Variants in TAS2R7 observed in about 807,000 individuals in gnomAD.
TAS2R7 encodes the protein taste 2 receptor member 7, also known as taste receptor type 2 member 7.
For missense variants in TAS2R7, 403 were observed against 366.0 expected (o/e 1.10, Z -0.82); for synonymous variants, 159 against 138.8 (o/e 1.15, Z -1.02).
chr12:10,801,908 C>T lies in TAS2R7; in HGVS notation c.663G>A (p.Gly221=), dbSNP rs964505908. 9 of 1,613,804 alleles carry T rather than the reference C, an allele frequency of 5.6e-6. No individual in the cohort carries two copies. The Admixed American group carries it at 8.3e-5, about 15-fold the overall frequency. ...GGGCTTCTGTGCTGGGGTCTCTGCA[C>T]CCTGTGGCACTGAGCTGCATTCGCC... ...HIRRMQLSAT[G]CRDPSTEAHV... Residue 221 remains glycine (G), a synonymous_variant, in exon 1 of 1, where the codon GGG becomes GGA. Transcript: ENST00000240687.
Position 10,801,835 on chromosome 12 carries a change from C to T in TAS2R7, c.736G>A (p.Ala246Thr). 1 of 1,613,890 alleles carries T rather than the reference C, an allele frequency of 6.2e-7. No homozygotes were observed. Among genetic ancestry groups the T allele is most frequent in the Non-Finnish European group, 8.5e-7 (1 of 1,179,960 alleles). ...GCAATGAGAAAGGACAAATAGTAGG[C>T]AATAAAGAGGAGAAGGAAGGAAATG... ...AVISFLLLFI[A>T]YYLSFLIATS... is the part of the protein sequence containing the mutation. The change falls in exon 1 of 1, where the codon GCC (alanine) becomes ACC (threonine). Residue 246 changes from alanine to threonine, a missense_variant. Physicochemically the swap from Ala to Thr is moderately conservative, Grantham distance 58. Transcript: ENST00000240687.
At position 10,801,924 on chromosome 12, in the gene TAS2R7, T is replaced by C; in HGVS notation, c.647A>G (p.Gln216Arg). The C allele has an allele frequency of 4.3e-6, 7 of 1,613,978 alleles. No individual in the cohort carries two copies. The highest frequency in any genetic ancestry group is 5.9e-6 in the Non-Finnish European group (7 of 1,179,996). ...LSLRRHIRRM[Q>R]LSATGCRDPS... ...GTCTCTGCACCCTGTGGCACTGAGC[T>C]GCATTCGCCTGATATGTCTCCGCAG... is the stretch of plus-strand genomic sequence containing the variant. The change falls in exon 1 of 1, where the codon CAG becomes CGG. Residue 216 changes from glutamine to arginine, a missense_variant. By Grantham distance (43) the Gln-to-Arg change is conservative. Transcript: ENST00000240687.
chr12:10,802,253 G>A lies in TAS2R7; in HGVS notation c.318C>T (p.Tyr106=), dbSNP rs1379394503. The A allele has an allele frequency of 2.5e-6, 4 of 1,613,738 alleles. No homozygotes were observed. Among genetic ancestry groups the A allele is most frequent in the Non-Finnish European group, 3.4e-6 (4 of 1,179,946 alleles). ...AGAAATTACCTATCTTGAAGAAATA[G>A]TAAATGCTGAGGCAGGTTGCAAACC... The part of the protein sequence containing the change: ...SIWFATCLSI[Y]YFFKIGNFFH... Residue 106 remains tyrosine, a synonymous_variant, in exon 1 of 1, where the codon TAC becomes TAT. Transcript: ENST00000240687.
Position 10,802,243 on chromosome 12 carries a change from T to C in TAS2R7, c.328A>G (p.Lys110Glu), listed in dbSNP as rs746242184. 3 of 1,613,768 alleles carry C rather than the reference T, an allele frequency of 1.9e-6. No individual in the cohort carries two copies. The South Asian group carries it at 3.3e-5, about 18-fold the overall frequency. Residue 110 changes from lysine (K) to glutamate (E), a missense_variant, in exon 1 of 1, where the codon AAG becomes GAG. By Grantham distance (56) the Lys-to-Glu change is moderately conservative (BLOSUM62 1). Coordinates refer to ENST00000240687, the MANE Select transcript of TAS2R7 (RefSeq NM_023919.2). ...AGTGGGTGAAAGAAATTACCTATCT[T>C]GAAGAAATAGTAAATGCTGAGGCAG... ...ATCLSIYYFF[K>E]IGNFFHPLFL...
At position 10,801,814 on chromosome 12, in the gene TAS2R7, T is replaced by C. The variant is rs747855895; in HGVS notation, c.757A>G (p.Ile253Val). 6.2e-7 allele frequency: 1 copy of C among 1,613,770 alleles called. No homozygotes were observed. The highest frequency in any genetic ancestry group is 1.1e-5 in the South Asian group (1 of 91,070). Reference sequence around the variant, plus strand: ...GGCATAAAGTAGCTGGAGGTGGCAATGAGAAAGGACAAATAGTAGGCAATA... The same window carrying C: ...GGCATAAAGTAGCTGGAGGTGGCAACGAGAAAGGACAAATAGTAGGCAATA... The part of the protein sequence containing the change: ...LFIAYYLSFL[I>V]ATSSYFMPET... Residue 253 changes from isoleucine to valine, a missense_variant, in exon 1 of 1, where the codon ATT (isoleucine) becomes GTT (valine). Transcript: ENST00000240687.
At position 10,802,466 on chromosome 12, in the gene TAS2R7, C is replaced by G. The variant is rs376990167; in HGVS notation, c.105G>C (p.Trp35Cys). 6.2e-7 allele frequency: 1 copy of G among 1,613,970 alleles called. No homozygotes were observed. ...AFIGLVNCMD[W>C]VKKRKIASID... ...TGGAGGCAATTTTCCTCTTCTTGACCCAGTCCATGCAGTTTACCAATCCAA... is the reference window on the plus strand; with the variant it reads ...TGGAGGCAATTTTCCTCTTCTTGACGCAGTCCATGCAGTTTACCAATCCAA... The change falls in exon 1 of 1, where the codon TGG (tryptophan) becomes TGC (cysteine). Residue 35 changes from tryptophan to cysteine, a missense_variant. Transcript: ENST00000240687.
chr12:10,802,009 G>C lies in TAS2R7; in HGVS notation c.562C>G (p.Leu188Val), dbSNP rs549478633. 1 of 1,613,890 alleles carries C rather than the reference G, an allele frequency of 6.2e-7. No individual in the cohort carries two copies. Among genetic ancestry groups the C allele is most frequent in the African/African-American group, 1.3e-5 (1 of 75,036 alleles). Reference protein sequence around the residue: ...QHASTKLFLNLATLLPFCVCL... With the variant: ...QHASTKLFLNVATLLPFCVCL... ...ACACAAAAGGGGAGCAGCGTTGCCAGGTTGAGAAATAACTTGGTAGAAGCA... is the reference window on the plus strand; with the variant it reads ...ACACAAAAGGGGAGCAGCGTTGCCACGTTGAGAAATAACTTGGTAGAAGCA... The change falls in exon 1 of 1, where the codon CTG (leucine) becomes GTG (valine). Residue 188 changes from leucine to valine, a missense_variant. By Grantham distance (32) the Leu-to-Val change is conservative. Coordinates refer to ENST00000240687, the MANE Select transcript of TAS2R7 (RefSeq NM_023919.2).
chr12:10,802,319 G>T lies in TAS2R7; in HGVS notation c.252C>A (p.Ile84=). 1 of 1,613,974 alleles carries T rather than the reference G, an allele frequency of 6.2e-7. No homozygotes were observed. The highest frequency in any genetic ancestry group is 8.5e-7 in the Non-Finnish European group (1 of 1,179,948). The change falls in exon 1 of 1, where the codon ATC becomes ATA. Residue 84 remains isoleucine, a synonymous_variant. Transcript: ENST00000240687. ...DVYATGKEMR[I]IDFFWTLTNH... ...TGGTTAGTGTCCAGAAGAAGTCAAT[G>T]ATTCTCATTTCTTTACCAGTGGCAT...
At position 10,802,164 on chromosome 12, in the gene TAS2R7, C is replaced by A; in HGVS notation, c.407G>T (p.Gly136Val). The A allele has an allele frequency of 6.2e-7, 1 of 1,613,696 alleles. No homozygotes were observed. The highest frequency in any genetic ancestry group is 8.5e-7 in the Non-Finnish European group (1 of 1,179,898). Residue 136 changes from glycine to valine, a missense_variant, in exon 1 of 1, where the codon GGG becomes GTG. By Grantham distance (109) the Gly-to-Val change is moderately radical (BLOSUM62 -3). Transcript: ENST00000240687. ...IDRVISWILL[G>V]CVVLSVFISL... ...AATAAACACAGAGAGAACCACGCAC[C>A]CCAGTAGAATCCAGGAAATCACCCT...
chr12:10,802,148 A>G lies in TAS2R7; in HGVS notation c.423T>C (p.Ser141=), dbSNP rs1194218741. The change falls in exon 1 of 1, where the codon TCT becomes TCC. Residue 141 remains serine, a synonymous_variant. Transcript: ENST00000240687. ...SWILLGCVVL[S]VFISLPATEN... ...CAGTGGCTGGAAGGCTAATAAACACAGAGAGAACCACGCACCCCAGTAGAA... is the reference window on the plus strand; with the variant it reads ...CAGTGGCTGGAAGGCTAATAAACACGGAGAGAACCACGCACCCCAGTAGAA... 3 of 1,613,872 alleles carry G rather than the reference A, an allele frequency of 1.9e-6. No homozygotes were observed. Among genetic ancestry groups the G allele is most frequent in the South Asian group, 2.2e-5 (2 of 91,062 alleles).
chr12:10,802,099 A>G lies in TAS2R7; in HGVS notation c.472T>C (p.Phe158Leu), dbSNP rs1164726596. Residue 158 changes from phenylalanine to leucine, a missense_variant, in exon 1 of 1, where the codon TTT (phenylalanine) becomes CTT (leucine). Physicochemically the swap from Phe to Leu is conservative, Grantham distance 22 (BLOSUM62 0). Coordinates refer to ENST00000240687, the MANE Select transcript of TAS2R7 (RefSeq NM_023919.2). ...ATENLNADFR[F>L]CVKAKRKTNL... The stretch of plus-strand genomic sequence containing the variant: ...GTTTTCCTCTTTGCCTTCACACAAA[A>G]CCTGAAATCAGCGTTCAAATTCTCA... The G allele has an allele frequency of 3.1e-6, 5 of 1,613,924 alleles. No individual in the cohort carries two copies. The highest frequency in any genetic ancestry group is 1.7e-5 in the Admixed American group (1 of 59,938).
rs11838055 is a variant in TAS2R7 at position 10,801,783 on chromosome 12, G to A, written c.788C>T (p.Thr263Met). 1.8e-3 allele frequency: 2,836 copies of A among 1,613,926 alleles called. 45 individuals carry two copies. The African/African-American group carries it at 0.034, about 19-fold the overall frequency. Residue 263 changes from threonine to methionine, a missense_variant, in exon 1 of 1, where the codon ACG (threonine) becomes ATG (methionine). By Grantham distance (81) the Thr-to-Met change is moderately conservative. Coordinates refer to ENST00000240687, the MANE Select transcript of TAS2R7 (RefSeq NM_023919.2). ...IATSSYFMPE[T>M]ELAVIFGESI... is the part of the protein sequence containing the mutation. Reference sequence around the variant, plus strand: ...CTCACCAAAAATCACAGCTAATTCCGTCTCTGGCATAAAGTAGCTGGAGGT... The same window carrying A: ...CTCACCAAAAATCACAGCTAATTCCATCTCTGGCATAAAGTAGCTGGAGGT...
Position 10,802,419 on chromosome 12 carries a change from A to C in TAS2R7, c.152T>G (p.Leu51Arg). 1 of 1,614,088 alleles carries C rather than the reference A, an allele frequency of 6.2e-7. No homozygotes were observed. The highest frequency in any genetic ancestry group is 8.5e-7 in the Non-Finnish European group (1 of 1,179,970). ...CAATAGACAAATTCTGGATATGGCC[A>C]GACTTGTGAGGATTAAATCAATGGA... ...IASIDLILTS[L>R]AISRICLLCV... is the part of the protein sequence containing the mutation. Residue 51 changes from leucine to arginine, a missense_variant, in exon 1 of 1, where the codon CTG becomes CGG. Transcript: ENST00000240687.
In TAS2R7 at chr12:10,801,838, T is replaced by C. The variant is rs1474639900; in HGVS notation, c.733A>G (p.Ile245Val). ...KAVISFLLLF[I>V]AYYLSFLIAT... ...ATGAGAAAGGACAAATAGTAGGCAA[T>C]AAAGAGGAGAAGGAAGGAAATGACA... Residue 245 changes from isoleucine (I) to valine (V), a missense_variant, in exon 1 of 1, where the codon ATT (isoleucine) becomes GTT (valine). Ile to Val is a conservative substitution (Grantham distance 29). Coordinates refer to ENST00000240687, the MANE Select transcript of TAS2R7 (RefSeq NM_023919.2). The C allele has an allele frequency of 1.2e-6, 2 of 1,613,770 alleles. No individual in the cohort carries two copies. Among genetic ancestry groups the C allele is most frequent in the Admixed American group, 1.7e-5 (1 of 59,914 alleles).
In TAS2R7 at chr12:10,801,731, A is replaced by T. The variant is rs142826844; in HGVS notation, c.840T>A (p.Ser280Arg). ...TCCCCAGTATTAGGATAAATGAATG[A>T]CTTGAGGGGTAGATTAGAGCTATGG... ...GESIALIYPS[S>R]HSFILILGNN... The change falls in exon 1 of 1, where the codon AGT (serine) becomes AGA (arginine). Residue 280 changes from serine to arginine, a missense_variant. Coordinates refer to ENST00000240687, the MANE Select transcript of TAS2R7 (RefSeq NM_023919.2). 9.9e-5 allele frequency: 159 copies of T among 1,613,774 alleles called. No homozygotes were observed. The highest frequency in any genetic ancestry group is 1.3e-4 in the Non-Finnish European group (153 of 1,179,822).
In TAS2R7 at chr12:10,801,814, T is replaced by G. The variant is rs747855895; in HGVS notation, c.757A>C (p.Ile253Leu). The G allele has an allele frequency of 6.2e-7, 1 of 1,613,770 alleles. No individual in the cohort carries two copies. Among genetic ancestry groups the G allele is most frequent in the Non-Finnish European group, 8.5e-7 (1 of 1,179,944 alleles). ...LFIAYYLSFL[I>L]ATSSYFMPET... ...GGCATAAAGTAGCTGGAGGTGGCAA[T>G]GAGAAAGGACAAATAGTAGGCAATA... The change falls in exon 1 of 1, where the codon ATT (isoleucine) becomes CTT (leucine). Residue 253 changes from isoleucine (I) to leucine (L), a missense_variant. Ile to Leu is a conservative substitution (Grantham distance 5). Transcript: ENST00000240687.
rs776491996 is a variant in TAS2R7 at position 10,802,309 on chromosome 12, A to G, written c.262T>C (p.Phe88Leu). The stretch of plus-strand genomic sequence containing the variant: ...CTTAAATGATTGGTTAGTGTCCAGA[A>G]GAAGTCAATGATTCTCATTTCTTTA... Reference protein sequence around the residue: ...TGKEMRIIDFFWTLTNHLSIW... With the variant: ...TGKEMRIIDFLWTLTNHLSIW... Residue 88 changes from phenylalanine to leucine, a missense_variant, in exon 1 of 1, where the codon TTC (phenylalanine) becomes CTC (leucine). Physicochemically the swap from Phe to Leu is conservative, Grantham distance 22. Coordinates refer to ENST00000240687, the MANE Select transcript of TAS2R7 (RefSeq NM_023919.2). 1.3e-4 allele frequency: 203 copies of G among 1,613,904 alleles called. No individual in the cohort carries two copies. Among genetic ancestry groups the G allele is most frequent in the Non-Finnish European group, 1.7e-4 (198 of 1,179,970 alleles).
Position 10,801,807 on chromosome 12 carries a change from G to A in TAS2R7, c.764C>T (p.Thr255Ile). Reference protein sequence around the residue: ...IAYYLSFLIATSSYFMPETEL... With the variant: ...IAYYLSFLIAISSYFMPETEL... ...CGTCTCTGGCATAAAGTAGCTGGAG[G>A]TGGCAATGAGAAAGGACAAATAGTA... The change falls in exon 1 of 1, where the codon ACC (threonine) becomes ATC (isoleucine). Residue 255 changes from threonine to isoleucine, a missense_variant. By Grantham distance (89) the Thr-to-Ile change is moderately conservative. Coordinates refer to ENST00000240687, the MANE Select transcript of TAS2R7 (RefSeq NM_023919.2). The A allele has an allele frequency of 6.2e-7, 1 of 1,614,000 alleles. No homozygotes were observed. The highest frequency in any genetic ancestry group is 8.5e-7 in the Non-Finnish European group (1 of 1,179,968).
chr12:10,801,814 T>A lies in TAS2R7; in HGVS notation c.757A>T (p.Ile253Phe). ...LFIAYYLSFL[I>F]ATSSYFMPET... ...GGCATAAAGTAGCTGGAGGTGGCAA[T>A]GAGAAAGGACAAATAGTAGGCAATA... The change falls in exon 1 of 1, where the codon ATT becomes TTT. Residue 253 changes from isoleucine (I) to phenylalanine (F), a missense_variant. Transcript: ENST00000240687. 1.2e-6 allele frequency: 2 copies of A among 1,613,770 alleles called. No individual in the cohort carries two copies. Among genetic ancestry groups the A allele is most frequent in the Non-Finnish European group, 1.7e-6 (2 of 1,179,944 alleles).
Sources: allele counts gnomAD v4.1 joint callset, GRCh38; gene constraint gnomAD v4.1.1; transcripts MANE v1.5; gene names NCBI Gene and HGNC (gene_info 2026-07-23, HGNC 2026-07-21).